SHROOM2: variants seen among roughly 807,000 people sequenced by gnomAD.
SHROOM2 encodes the protein protein Shroom2.
A neutral mutation model predicts 75.9 loss-of-function variants in SHROOM2; 33 were observed. The ratio of observed to expected loss-of-function variants is 0.43; its 90% CI spans 0.33 to 0.58. SHROOM2 has a LOEUF of 0.58. Ranked by LOEUF, SHROOM2 falls within the 20% of genes least tolerant of loss-of-function variation. The probability of loss-of-function intolerance (pLI) is 0.04; values close to 1 mark genes in which losing one functional copy is unlikely to be tolerated. For missense variants in SHROOM2, 1,434 were observed against 1,461.2 expected, an observed-to-expected ratio of 0.98 and a Z score of 0.30; for synonymous variants, 655 against 663.6, an observed-to-expected ratio of 0.99 and a Z score of 0.20.
intron 1 of SHROOM2, among the ~76,000 whole-genome samples, chrX:9,859,652 A>G (rs1486358306): frequency 8.9e-6 from 1 of 111,843 alleles, no homozygotes; most frequent in Non-Finnish European, 1.9e-5. Flanking sequence ...GAGGGGACCC[A>G]GTAAACAAAG....
intron 1 of SHROOM2, among the ~76,000 whole-genome samples, chrX:9,808,726 G>T (rs778565583): frequency 1.1e-3 from 121 of 110,218 alleles, no homozygotes; most frequent in African/African-American, 3.6e-3. Flanking sequence ...GCCAGGCGTG[G>T]TATCAGGCGC....
chrX:9,932,739 C>G lies in SHROOM2; in HGVS notation c.3456C>G (p.Leu1152=). Residue 1152 remains leucine, a synonymous_variant, in exon 6 of 10, where the codon CTC becomes CTG. Transcript: ENST00000380913. The part of the protein sequence containing the change: ...DASRPLPEAL[L]PPKQQHLRLQ... ...CACGTCCTCTGCCAGAAGCACTGCT[C>G]CCTCCCAAGCAGCAGCACCTGCGCC... is the stretch of plus-strand genomic sequence containing the variant. The G allele has an allele frequency of 8.3e-7, 1 of 1,210,843 alleles. No individual in the cohort carries two copies. Among genetic ancestry groups the G allele is most frequent in the Non-Finnish European group, 1.1e-6 (1 of 895,480 alleles).
Position 9,836,509 on chromosome X carries a change from C to G in SHROOM2, c.166-37143C>G, listed in dbSNP as rs377471962. 1.3e-4 allele frequency among the ~76,000 whole-genome samples: 14 copies of G among 109,065 alleles called. No homozygotes were observed. In the South Asian group the frequency reaches 2.9e-3, roughly 23 times the overall value. 94.7% of individuals were successfully genotyped at this position (109,065 alleles called of 115,157 possible). ...TTCTCTCTCTCTCTCTTTTCTCCCT[C>G]TCTACCCCCTCCTTCTCCCTTCTCT... On this transcript the variant is annotated intron_variant, in intron 1 of 9. Coordinates refer to ENST00000380913, the MANE Select transcript of SHROOM2 (RefSeq NM_001649.4).
chrX:9,819,392 GC>G, intron 1 of SHROOM2: 1 of 446,021 alleles, frequency 2.2e-6, no homozygotes. Context: ...CATTTCCTTT[GC>G]CCTCAACCTT....
intron 1 of SHROOM2, among the ~76,000 whole-genome samples, chrX:9,789,048 G>A (rs778708889): frequency 2.0e-3 from 220 of 111,799 alleles, no homozygotes; most frequent in Non-Finnish European, 3.4e-3. Context: ...AGAGGCCTCT[G>A]GCATTGCCAG....
At chrX:9,813,514 T>C (rs1419117565) in intron 1 of SHROOM2, among the ~76,000 whole-genome samples, 1 of 111,216 alleles carries the variant, frequency 9.0e-6, no homozygotes, top group Non-Finnish European at 1.9e-5. Context: ...AGAGGTCTCA[T>C]TGGGGAAGGA....
In SHROOM2 at chrX:9,894,981, G is replaced by A. The variant is rs764492293; in HGVS notation, c.1073G>A (p.Arg358His). 6 of 1,210,366 alleles carry A rather than the reference G, an allele frequency of 5.0e-6. No individual in the cohort carries two copies. Among genetic ancestry groups the A allele is most frequent in the East Asian group, 3.0e-5 (1 of 33,761 alleles). The change falls in exon 4 of 10, where the codon CGT becomes CAT. Residue 358 changes from arginine to histidine, a missense_variant. By Grantham distance (29) the Arg-to-His change is conservative. Coordinates refer to ENST00000380913, the MANE Select transcript of SHROOM2 (RefSeq NM_001649.4). Reference sequence around the variant, plus strand: ...ACGGCCCTGGCCCAGGCTCAGCCTCGTGGTGACCGGAGACCAGAGCTCACC... The same window carrying A: ...ACGGCCCTGGCCCAGGCTCAGCCTCATGGTGACCGGAGACCAGAGCTCACC... ...HFTALAQAQP[R>H]GDRRPELTDR...
intron 1 of SHROOM2, among the ~76,000 whole-genome samples, chrX:9,838,847 C>T (rs2083963754): frequency 9.0e-6 from 1 of 111,629 alleles, no homozygotes; most frequent in Non-Finnish European, 1.9e-5. Context: ...TTTTACGCCA[C>T]ATACTGCCGG....
chrX:9,900,204 G>GTTTT (rs914610967), intron 5 of SHROOM2, among the ~76,000 whole-genome samples: 2 of 107,018 alleles, frequency 1.9e-5, no homozygotes, highest in Non-Finnish European at 3.9e-5. Flanking sequence ...GTTGGGTGCG[G>GTTTT]TTTTTTTTTT....
intron 2 of SHROOM2, among the ~76,000 whole-genome samples, chrX:9,882,320 G>A (rs933309119): frequency 4.7e-5 from 5 of 107,041 alleles, no homozygotes; most frequent in Admixed American, 2.0e-4. Context: ...ATTAATGACT[G>A]CACACTTGAA....
At chrX:9,842,344 A>G (rs2083983545) in intron 1 of SHROOM2, among the ~76,000 whole-genome samples, 1 of 112,503 alleles carries the variant, frequency 8.9e-6, no homozygotes, top group Non-Finnish European at 1.9e-5. Flanking sequence ...GGTGTGAGCC[A>G]CTGTGTCTGG....
At position 9,888,544 on chromosome X, in the gene SHROOM2, A is replaced by G. The variant is rs2084273795; in HGVS notation, c.318-2433A>G. Among the ~76,000 whole-genome samples the G allele has an allele frequency of 2.7e-5, 3 of 111,265 alleles. No homozygotes were observed. In the South Asian group the frequency reaches 1.1e-3, roughly 42 times the overall value. On this transcript the variant is annotated intron_variant, in intron 2 of 9. Transcript: ENST00000380913. ...CTACAGCCTCAACCTCCTGGGCTCAAATCATCCTCCCACCTCATTCTCCCT... is the reference window on the plus strand; with the variant it reads ...CTACAGCCTCAACCTCCTGGGCTCAGATCATCCTCCCACCTCATTCTCCCT...
At chrX:9,809,306 G>A in intron 1 of SHROOM2, among the ~76,000 whole-genome samples, 1 of 111,281 alleles carries the variant, frequency 9.0e-6, no homozygotes, top group South Asian at 3.8e-4. Context: ...ATGTAGGCTA[G>A]ACCAGTCTCT....
At chrX:9,858,673 TG>T (rs1227669956) in intron 1 of SHROOM2, among the ~76,000 whole-genome samples, 5 of 110,883 alleles carry the variant, frequency 4.5e-5, no homozygotes, top group African/African-American at 1.6e-4. Context: ...GGTGTGGTGG[TG>T]GGCACCTGTA....
At chrX:9,822,757 C>T (rs1192055034) in intron 1 of SHROOM2, among the ~76,000 whole-genome samples, 1 of 111,960 alleles carries the variant, frequency 8.9e-6, no homozygotes, top group Non-Finnish European at 1.9e-5. Context: ...CAGCTCCTCT[C>T]TGCCCAGGTG....
Position 9,896,004 on chromosome X carries a change from G to T in SHROOM2, c.2096G>T (p.Arg699Leu). The T allele has an allele frequency of 8.3e-7, 1 of 1,207,960 alleles. No homozygotes were observed. The highest frequency in any genetic ancestry group is 1.1e-6 in the Non-Finnish European group (1 of 893,989). ...ARVLRATSFKRRDLDPNPGDL... is the reference protein window; with the variant it reads ...ARVLRATSFKLRDLDPNPGDL... ...GTCCTGAGGGCCACGTCCTTCAAGC[G>T]CCGCGACTTGGACCCCAACCCAGGA... Residue 699 changes from arginine (R) to leucine (L), a missense_variant, in exon 4 of 10, where the codon CGC becomes CTC. Physicochemically the swap from Arg to Leu is moderately radical, Grantham distance 102. Transcript: ENST00000380913.
chrX:9,914,584 T>C (rs2084469539), intron 5 of SHROOM2, among the ~76,000 whole-genome samples: 1 of 111,192 alleles, frequency 9.0e-6, no homozygotes, highest in Non-Finnish European at 1.9e-5. Context: ...GGAAGGCTTG[T>C]AGACATCCTT....
intron 1 of SHROOM2, among the ~76,000 whole-genome samples, chrX:9,861,919 C>A (rs763743126): frequency 9.0e-6 from 1 of 111,656 alleles, no homozygotes; most frequent in South Asian, 3.8e-4. Context: ...ACTGCACTTG[C>A]CTCATGGGAT....
intron 6 of SHROOM2, among the ~76,000 whole-genome samples, chrX:9,934,125 C>T (rs1294503364): frequency 1.8e-5 from 2 of 111,526 alleles, no homozygotes; most frequent in East Asian, 2.8e-4. Context: ...TAGAGCCGCA[C>T]GCCCAGCACA....
Sources: gnomAD v4.1 joint callset for allele counts (sites outside exome capture counted in the v4.1 genomes callset) on GRCh38, gnomAD v4.1.1 for gene constraint, MANE v1.5 for transcripts, NCBI Gene and HGNC (gene_info 2026-07-23, HGNC 2026-07-21) for gene names.